Variants in LPAR6 observed in about 807,000 individuals in gnomAD.
LPAR6 encodes the protein G-protein coupled purinergic receptor P2Y5.
In LPAR6, 17 loss-of-function variants were observed where a neutral mutation model predicts 22.0. That is an observed-to-expected ratio of 0.77 (90% confidence interval 0.53 to 1.16). The LOEUF (loss-of-function observed/expected upper bound fraction) is 1.16. Ranked by LOEUF, LPAR6 falls within the 50% of genes most tolerant of loss-of-function variation. The probability of loss-of-function intolerance (pLI) is 0.00; values close to 1 mark genes in which losing one functional copy is unlikely to be tolerated. For missense variants in LPAR6, 384 were observed against 406.9 expected (o/e 0.94, Z 0.48); for synonymous variants, 136 against 139.8 (o/e 0.97, Z 0.19).
intron 1 of LPAR6, among the ~76,000 whole-genome samples, chr13:48,392,015 C>A (rs1250114453): frequency 1.3e-5 from 2 of 152,170 alleles, no homozygotes; most frequent in South Asian, 2.1e-4. Flanking sequence ...TTTAAAAGGT[C>A]TTTTGCTGGG....
chr13:48,398,878 T>G (rs1948668223), intron 1 of LPAR6, among the ~76,000 whole-genome samples: 1 of 152,126 alleles, frequency 6.6e-6, no homozygotes. Flanking sequence ...GTGTTTTGCC[T>G]AGGAGCTAAT....
rs890053532 is a variant in LPAR6, at chr13:48,411,283, T to C, written c.*106A>G. The C allele has an allele frequency of 9.0e-6, 8 of 889,810 alleles. No homozygotes were observed. Among genetic ancestry groups the C allele is most frequent in the Non-Finnish European group, 1.5e-5 (8 of 536,776 alleles). The allele number at this position is 889,810 out of a possible 1,614,324, so 55.1% of individuals were successfully genotyped here. A position where few individuals can be genotyped will look rare whatever the true frequency, so the allele number is the denominator to read the frequency against. On this transcript the variant is annotated 3_prime_UTR_variant, in exon 1 of 1. Coordinates refer to ENST00000620633, the MANE Select transcript of LPAR6 (RefSeq NM_001162498.3). ...TATACTAAAGACTTTAAAATGTCCA[T>C]GTGTTAATTTCTTTTGGAGGTGGAA...
chr13:48,422,188 T>C (rs868745130), intron 2 of LPAR6, among the ~76,000 whole-genome samples: 1 of 152,174 alleles, frequency 6.6e-6, no homozygotes, highest in East Asian at 1.9e-4. Context: ...TATGCAGCCA[T>C]GAACAAGGAT....
chr13:48,415,390 C>A (rs546913448), upstream of LPAR6, among the ~76,000 whole-genome samples: 99 of 151,868 alleles, frequency 6.5e-4, no homozygotes, highest in African/African-American at 2.4e-3. Context: ...AGCAATTTTC[C>A]CACCTCAGCC....
intron 1 of LPAR6, among the ~76,000 whole-genome samples, chr13:48,404,525 G>C (rs1948722197): frequency 6.6e-6 from 1 of 151,870 alleles, no homozygotes; most frequent in Admixed American, 6.6e-5. Flanking sequence ...GAATGAATGT[G>C]GATACTTTTT....
At chr13:48,409,268 T>C (rs1027860138), downstream of LPAR6, among the ~76,000 whole-genome samples, 7 of 151,880 alleles carry the variant, frequency 4.6e-5, no homozygotes, top group Non-Finnish European at 1.0e-4. Flanking sequence ...AGATGTATTT[T>C]GCTTTAGGTT....
At chr13:48,410,542 G>A (rs1948784619), downstream of LPAR6, among the ~76,000 whole-genome samples, 1 of 152,040 alleles carries the variant, frequency 6.6e-6, no homozygotes. Context: ...ATGTTTCTCC[G>A]ACCTAACATA....
At chr13:48,440,283 A>G (rs1184558992) in intron 1 of LPAR6, among the ~76,000 whole-genome samples, 1 of 152,152 alleles carries the variant, frequency 6.6e-6, no homozygotes, top group Non-Finnish European at 1.5e-5. Flanking sequence ...ACAAAATATT[A>G]ACTATTTTTC....
At chr13:48,414,476 CAT>C (rs770630553), upstream of LPAR6, among the ~76,000 whole-genome samples, 1 of 151,404 alleles carries the variant, frequency 6.6e-6, no homozygotes, top group Non-Finnish European at 1.5e-5. Context: ...CTCTATGGCA[CAT>C]GTTTTTCTTG....
chr13:48,412,812 T>C lies in LPAR6; in HGVS notation c.-389A>G. On this transcript the variant is annotated 5_prime_UTR_variant, in exon 1 of 1. Coordinates refer to ENST00000620633, the MANE Select transcript of LPAR6 (RefSeq NM_001162498.3). ...GTCTTCTAAACTTGTATTTCAGTAGTCAAGATGAATACTCCAAAGTTAATG... is the reference window on the plus strand; with the variant it reads ...GTCTTCTAAACTTGTATTTCAGTAGCCAAGATGAATACTCCAAAGTTAATG... 4.0e-6 allele frequency: 1 copy of C among 249,758 alleles called. No individual in the cohort carries two copies. The highest frequency in any genetic ancestry group is 8.5e-6 in the Non-Finnish European group (1 of 117,424). The allele number at this position is 249,758 out of a possible 1,614,324, so 15.5% of individuals were successfully genotyped here. A position where few individuals can be genotyped will look rare whatever the true frequency, so the allele number is the denominator to read the frequency against.
At chr13:48,439,147 C>T (rs980995151) in intron 1 of LPAR6, among the ~76,000 whole-genome samples, 1 of 152,096 alleles carries the variant, frequency 6.6e-6, no homozygotes, top group Non-Finnish European at 1.5e-5. Flanking sequence ...AACAGGTAGA[C>T]TTGGGTTTGA....
At position 48,411,491 on chromosome 13, in the gene LPAR6, T is replaced by A. The variant is rs1948800044; in HGVS notation, c.933A>T (p.Arg311Ser). Residue 311 changes from arginine (R) to serine (S), a missense_variant, in exon 1 of 1, where the codon AGA becomes AGT. Arg to Ser is a moderately radical substitution (Grantham distance 110, BLOSUM62 -1). Transcript: ENST00000620633. Reference protein sequence around the residue: ...SIKMKNWSVRRSDFRFSEVHG... With the variant: ...SIKMKNWSVRSSDFRFSEVHG... The stretch of plus-strand genomic sequence containing the variant: ...GAACTTCAGAGAATCTGAAGTCACT[T>A]CTCCTGACAGACCAGTTTTTCATTT... 6.2e-7 allele frequency: 1 copy of A among 1,612,820 alleles called. No individual in the cohort carries two copies.
At chr13:48,400,818 C>A (rs1202261806) in intron 1 of LPAR6, among the ~76,000 whole-genome samples, 2 of 152,124 alleles carry the variant, frequency 1.3e-5, no homozygotes, top group Non-Finnish European at 2.9e-5. Context: ...TAGTACCCTT[C>A]ATTCCTTTTC....
chr13:48,433,152 T>G (rs568907542), intron 1 of LPAR6, among the ~76,000 whole-genome samples: 27 of 152,286 alleles, frequency 1.8e-4, no homozygotes, highest in African/African-American at 4.1e-4. Context: ...TGTAAGCTAC[T>G]AAACCTCAGT....
At chr13:48,414,184 C>T (rs1948867747), upstream of LPAR6, among the ~76,000 whole-genome samples, 1 of 151,912 alleles carries the variant, frequency 6.6e-6, no homozygotes, top group African/African-American at 2.4e-5. Flanking sequence ...CCCATCTCTA[C>T]CAAAAATACA....
intron 2 of LPAR6, among the ~76,000 whole-genome samples, chr13:48,419,459 A>C (rs1418809745): frequency 2.0e-5 from 3 of 152,214 alleles, no homozygotes; most frequent in Non-Finnish European, 4.4e-5. Context: ...TGACACCCTA[A>C]CATCACAATT....
chr13:48,404,326 C>T (rs982510195), intron 1 of LPAR6: 3 of 152,002 alleles, frequency 2.0e-5, no homozygotes, highest in Non-Finnish European at 4.4e-5. Flanking sequence ...AAGTATTGTA[C>T]TGGTAGGTTA....
Position 48,412,357 on chromosome 13 carries a change from T to C in LPAR6, c.67A>G (p.Met23Val). 6.2e-7 allele frequency: 1 copy of C among 1,613,896 alleles called. No homozygotes were observed. The highest frequency in any genetic ancestry group is 8.5e-7 in the Non-Finnish European group (1 of 1,179,810). ...CCAAGCACAAACACCATGCTGAACA[T>C]GCACCCATACAAAGTGTACTTAAAG... ...DSFKYTLYGC[M>V]FSMVFVLGLI... Residue 23 changes from methionine (M) to valine (V), a missense_variant, in exon 1 of 1, where the codon ATG becomes GTG. By Grantham distance (21) the Met-to-Val change is conservative. Coordinates refer to ENST00000620633, the MANE Select transcript of LPAR6 (RefSeq NM_001162498.3).
chr13:48,400,836 A>G (rs960819613), intron 1 of LPAR6, among the ~76,000 whole-genome samples: 1 of 152,146 alleles, frequency 6.6e-6, no homozygotes, highest in Non-Finnish European at 1.5e-5. Context: ...TTCCTCTGCT[A>G]TACAGTGATT....
Sources: gnomAD v4.1 joint callset for allele counts (sites outside exome capture counted in the v4.1 genomes callset) on GRCh38, gnomAD v4.1.1 for gene constraint, MANE v1.5 for transcripts, NCBI Gene and HGNC (gene_info 2026-07-23, HGNC 2026-07-21) for gene names.